Variants in IL5RA observed in about 807,000 individuals in gnomAD.
IL5RA encodes the protein interleukin 5 receptor subunit alpha.
IL5RA carries 49 observed loss-of-function variants against 50.0 expected under a neutral mutation model. The ratio of observed to expected loss-of-function variants is 0.98; its 90% confidence interval spans 0.78 to 1.24. IL5RA has a LOEUF of 1.24. Ranked by LOEUF, IL5RA falls within the 50% of genes most tolerant of loss-of-function variation. The pLI is 0.00. For missense variants in IL5RA, 600 were observed against 500.4 expected (o/e 1.20, Z -1.90); for synonymous variants, 202 against 174.0 (o/e 1.16, Z -1.26).
chr3:3,100,304 T>C (rs913074274), intron 5 of IL5RA, among the ~76,000 whole-genome samples: 2 of 152,224 alleles, frequency 1.3e-5, no homozygotes, highest in Non-Finnish European at 2.9e-5. Flanking sequence ...GAGCCTCTTA[T>C]TACCTGTAGA....
chr3:3,097,549 C>T (rs1178444417), intron 7 of IL5RA, among the ~76,000 whole-genome samples: 1 of 152,042 alleles, frequency 6.6e-6, no homozygotes, highest in Non-Finnish European at 1.5e-5. Context: ...CCTTGAGGGG[C>T]ATTTGGCAAA....
chr3:3,103,937 C>T (rs952378915), intron 3 of IL5RA, among the ~76,000 whole-genome samples: 3 of 152,342 alleles, frequency 2.0e-5, no homozygotes, highest in African/African-American at 7.2e-5. Flanking sequence ...TTCCACACCT[C>T]TACATCCATG....
At chr3:3,109,003 A>C (rs983075821) in intron 1 of IL5RA, among the ~76,000 whole-genome samples, 1 of 152,234 alleles carries the variant, frequency 6.6e-6, no homozygotes, top group Admixed American at 6.5e-5. Flanking sequence ...CCAGGTAATA[A>C]AATGTTCAGT....
At chr3:3,087,783 C>T (rs930437900) in intron 9 of IL5RA, among the ~76,000 whole-genome samples, 5 of 152,120 alleles carry the variant, frequency 3.3e-5, no homozygotes, top group Non-Finnish European at 5.9e-5. Flanking sequence ...GCAGCAAAAT[C>T]GCCTGATGGA....
chr3:3,089,519 A>C (rs1171725057), intron 9 of IL5RA, among the ~76,000 whole-genome samples: 2 of 152,204 alleles, frequency 1.3e-5, no homozygotes, highest in Non-Finnish European at 1.5e-5. Flanking sequence ...ACATTTTGGC[A>C]TGTGCCTGAA....
intron 7 of IL5RA, 65 bp downstream of exon 7, chr3:3,097,805 C>T (rs1426679788): frequency 6.6e-7 from 1 of 1,519,750 alleles, no homozygotes; most frequent in East Asian, 2.3e-5. Context: ...ATCTTTATAA[C>T]CCTTCCTTCC....
At chr3:3,088,326 C>T (rs1360746803) in intron 9 of IL5RA, among the ~76,000 whole-genome samples, 1 of 152,120 alleles carries the variant, frequency 6.6e-6, no homozygotes, top group African/African-American at 2.4e-5. Flanking sequence ...GGTGAGGATG[C>T]TAAGCCCAGA....
At position 3,104,986 on chromosome 3, in the gene IL5RA, T is replaced by G; in HGVS notation, c.-2A>C. ...TAATACATGCGCCACGATGATCATA[T>G]CCTACAGAAAACAAGGGAGATACCA... On this transcript the variant is annotated splice_region_variant and 5_prime_UTR_variant, in exon 3 of 12. Coordinates refer to ENST00000446632, the MANE Select transcript of IL5RA (RefSeq NM_175726.4). 1 of 1,606,408 alleles carries G rather than the reference T, an allele frequency of 6.2e-7. No homozygotes were observed. Among genetic ancestry groups the G allele is most frequent in the Non-Finnish European group, 8.5e-7 (1 of 1,174,160 alleles).
intron 9 of IL5RA, among the ~76,000 whole-genome samples, chr3:3,085,118 G>T (rs1307066526): frequency 6.6e-6 from 1 of 152,248 alleles, no homozygotes; most frequent in Non-Finnish European, 1.5e-5. Context: ...TGGTGGGGCT[G>T]CCAGGTGGGA....
intron 11 of IL5RA, among the ~76,000 whole-genome samples, chr3:3,074,203 G>C (rs1156242169): frequency 1.3e-5 from 2 of 152,190 alleles, no homozygotes; most frequent in African/African-American, 4.8e-5. Context: ...ATACTAAAGA[G>C]CTAAAGTTCC....
chr3:3,087,636 T>TGG (rs79635367), intron 9 of IL5RA, among the ~76,000 whole-genome samples: 131,489 of 151,148 alleles, frequency 0.87, 57,222 homozygotes, highest in Middle Eastern at 0.91. Context: ...ATTAAAATAA[T>TGG]GGGGGGGAAA....
At chr3:3,072,505 A>G (rs917207544) in intron 11 of IL5RA, among the ~76,000 whole-genome samples, 2 of 152,228 alleles carry the variant, frequency 1.3e-5, no homozygotes, top group Admixed American at 1.3e-4. Context: ...CTTTTATACC[A>G]GTTTATTTCA....
chr3:3,102,922 G>A (rs1328439220), intron 3 of IL5RA, 102 bp from the exon 4 acceptor site: 2 of 886,914 alleles, frequency 2.3e-6, no homozygotes, highest in Non-Finnish European at 3.4e-6. Flanking sequence ...TGCTGTCCTG[G>A]ACCTGCCAGC....
At chr3:3,086,329 A>G (rs1702861298) in intron 9 of IL5RA, among the ~76,000 whole-genome samples, 1 of 152,212 alleles carries the variant, frequency 6.6e-6, no homozygotes, top group Non-Finnish European at 1.5e-5. Context: ...GACTTGAGAA[A>G]ACACACAGCT....
intron 5 of IL5RA, among the ~76,000 whole-genome samples, chr3:3,100,691 T>C (rs539695966): frequency 3.0e-4 from 45 of 152,304 alleles, no homozygotes; most frequent in Non-Finnish European, 6.3e-4. Context: ...AAGTGCCTCA[T>C]AGGTAAAATC....
At chr3:3,086,691 A>G (rs942085864) in intron 9 of IL5RA, among the ~76,000 whole-genome samples, 16 of 152,288 alleles carry the variant, frequency 1.1e-4, no homozygotes, top group African/African-American at 3.8e-4. Context: ...TCTGAATCAA[A>G]TTGTAGGCCT....
chr3:3,100,059 C>T (rs138103997), intron 5 of IL5RA, among the ~76,000 whole-genome samples: 148 of 152,314 alleles, frequency 9.7e-4, no homozygotes, highest in African/African-American at 3.4e-3. Context: ...TTCAACCTCT[C>T]GTTGCTGTAT....
Position 3,098,273 on chromosome 3 carries a change from T to C in IL5RA, c.385A>G (p.Ile129Val), listed in dbSNP as rs2290610. Residue 129 changes from isoleucine (I) to valine (V), a missense_variant, in exon 6 of 12, where the codon ATT becomes GTT. Transcript: ENST00000446632. ...TTTGTGGTGCAAGTTAAATTCACAA[T>C]TGAGGTTCCAGGAGACCCTAGGTAG... The part of the protein sequence containing the change: ...HAPPGSPGTS[I>V]VNLTCTTNTT... The C allele has an allele frequency of 0.37, 592,884 of 1,612,150 alleles. 112,267 individuals are homozygous for C. Among genetic ancestry groups the C allele is most frequent in the South Asian group, 0.55 (50,087 of 91,026 alleles).
intron 9 of IL5RA, chr3:3,090,092 C>T (rs1703024825): frequency 5.7e-6 from 6 of 1,045,606 alleles, no homozygotes; most frequent in Non-Finnish European, 8.3e-6. Flanking sequence ...CTAAACTTTC[C>T]AAACAAGTTT....
Sources: gnomAD v4.1 joint callset for allele counts (sites outside exome capture counted in the v4.1 genomes callset) on GRCh38, gnomAD v4.1.1 for gene constraint, MANE v1.5 for transcripts, NCBI Gene and HGNC (gene_info 2026-07-23, HGNC 2026-07-21) for gene names.